Variants in PRKN observed in about 807,000 individuals in gnomAD.
PRKN encodes E3 ubiquitin-protein ligase parkin.
Under a neutral mutation model 59.5 loss-of-function variants are expected in PRKN, and 56 were observed. The ratio of observed to expected loss-of-function variants is 0.94; its 90% CI spans 0.76 to 1.18. PRKN has a LOEUF of 1.18. Ranked by LOEUF, PRKN falls within the 50% of genes most tolerant of loss-of-function variation. PRKN has a pLI of 0.00. For missense variants in PRKN, 657 were observed against 596.4 expected, an observed-to-expected ratio of 1.10 and a Z score of -1.06; for synonymous variants, 250 against 222.1, an observed-to-expected ratio of 1.13 and a Z score of -1.12.
chr6:162,686,679 AG>A (rs1304856346), intron 1 of PRKN, among the ~76,000 whole-genome samples: 1 of 152,200 alleles, frequency 6.6e-6, no homozygotes, highest in Non-Finnish European at 1.5e-5. Flanking sequence ...TGGGAAGTCA[AG>A]CTGGGTAAAT....
intron 7 of PRKN, among the ~76,000 whole-genome samples, chr6:161,674,176 C>T (rs1233584508): frequency 6.6e-6 from 1 of 152,050 alleles, no homozygotes; most frequent in East Asian, 1.9e-4. Flanking sequence ...GAGTTCTGGG[C>T]TGGGAGTTAA....
In PRKN at chr6:162,087,719, G is replaced by A. The variant is rs574461001; in HGVS notation, c.535-33545C>T. Among the ~76,000 whole-genome samples the A allele has an allele frequency of 7.8e-4, 113 of 144,898 alleles. 2 individuals are homozygous for A. The highest frequency in any genetic ancestry group is 7.5e-3 in the Middle Eastern group (2 of 268). ...AGCAATTCTCCTGCCTCAGCCTCCT[G>A]AGTAGCTGGGATTACAGGCACACGC... On this transcript the variant is annotated intron_variant, in intron 4 of 11. Transcript: ENST00000366898.
rs942353507 is a variant in PRKN, at chr6:161,363,688, C to G, written c.1168-3483G>C. 1.3e-5 allele frequency among the ~76,000 whole-genome samples: 2 copies of G among 152,096 alleles called. No homozygotes were observed. ...TACAAAGAAGTTACAATTATTCCCC[C>G]CAGCTGATTTCTTAATGCATGGGTG... On this transcript the variant is annotated intron_variant, in intron 10 of 11. Transcript: ENST00000366898. This position sits in a 1 kb window ranked among gnomAD's most constrained non-coding sequence, Gnocchi z 4.1.
At chr6:162,320,150 TTC>T (rs1782929014) in intron 2 of PRKN, among the ~76,000 whole-genome samples, 1 of 151,750 alleles carries the variant, frequency 6.6e-6, no homozygotes, top group African/African-American at 2.4e-5. Context: ...ATTCCATGTT[TTC>T]TATGGTTAAA....
At chr6:162,217,792 C>G (rs1244318914) in intron 3 of PRKN, among the ~76,000 whole-genome samples, 1 of 152,178 alleles carries the variant, frequency 6.6e-6, no homozygotes, top group Non-Finnish European at 1.5e-5. Context: ...GACAAAAACA[C>G]TATCATGGTA....
At chr6:162,525,021 C>T (rs1427125930) in intron 1 of PRKN, among the ~76,000 whole-genome samples, 2 of 152,140 alleles carry the variant, frequency 1.3e-5, no homozygotes, top group Non-Finnish European at 2.9e-5. Context: ...AACAAATATG[C>T]TTTCCTACTC....
intron 5 of PRKN, among the ~76,000 whole-genome samples, chr6:162,009,978 T>C (rs549334828): frequency 6.6e-6 from 1 of 151,502 alleles, no homozygotes; most frequent in South Asian, 2.1e-4. Flanking sequence ...GGTGTACTTG[T>C]AAAAGTTGTT....
intron 5 of PRKN, among the ~76,000 whole-genome samples, chr6:161,994,594 T>G (rs1781770914): frequency 6.6e-6 from 1 of 151,852 alleles, no homozygotes; most frequent in South Asian, 2.1e-4. Flanking sequence ...AAAAAACTCT[T>G]AGAACTAATA....
In PRKN at chr6:161,353,608, C is replaced by A. The variant is rs545573642; in HGVS notation, c.1286-3397G>T. On this transcript the variant is annotated intron_variant, in intron 11 of 11. Transcript: ENST00000366898. This position sits in a 1 kb window ranked among gnomAD's most constrained non-coding sequence, Gnocchi z 4.8. ...CCCTTCCCCCATACCTCGCCCTCTG[C>A]ATCTCTTCATCTGTATCTTTTGTAA... Among the ~76,000 whole-genome samples, 3 of 152,346 alleles carry A rather than the reference C, an allele frequency of 2.0e-5. No homozygotes were observed. In the South Asian group the frequency reaches 6.2e-4, roughly 32 times the overall value.
chr6:162,441,874 T>C (rs986198870), intron 2 of PRKN, among the ~76,000 whole-genome samples: 1 of 152,244 alleles, frequency 6.6e-6, no homozygotes, highest in African/African-American at 2.4e-5. Flanking sequence ...AATGGCAGTT[T>C]AGAACCTGAA....
chr6:162,389,157 T>C (rs1787032243), intron 2 of PRKN, among the ~76,000 whole-genome samples: 1 of 152,094 alleles, frequency 6.6e-6, no homozygotes, highest in Non-Finnish European at 1.5e-5. Flanking sequence ...GTTTGTGTTC[T>C]CCAAATGCCT....
intron 2 of PRKN, among the ~76,000 whole-genome samples, chr6:162,411,687 G>A (rs931337802): frequency 1.3e-5 from 2 of 152,032 alleles, no homozygotes; most frequent in Non-Finnish European, 2.9e-5. Context: ...TTTGAATATA[G>A]TTATAATTTT....
chr6:161,844,163 A>G (rs1056577343), intron 6 of PRKN, among the ~76,000 whole-genome samples: 7 of 152,256 alleles, frequency 4.6e-5, no homozygotes, highest in African/African-American at 1.4e-4. Context: ...TTTAATAAGC[A>G]TGAAGCAAAA....
chr6:161,732,953 G>A (rs1787784300), intron 7 of PRKN, among the ~76,000 whole-genome samples: 1 of 152,042 alleles, frequency 6.6e-6, no homozygotes, highest in Admixed American at 6.6e-5. Context: ...TCCCCCTTTG[G>A]AGCAACAGCA....
Position 162,658,299 on chromosome 6 carries a change from G to A in PRKN, c.7+69363C>T, listed in dbSNP as rs142568203. On this transcript the variant is annotated intron_variant, in intron 1 of 11. Coordinates refer to ENST00000366898, the MANE Select transcript of PRKN (RefSeq NM_004562.3). ...ATACTTAATAAAATGCTTGTGAAGA[G>A]TCATACAACGAGATAATATTTACTC... 8.3e-4 allele frequency among the ~76,000 whole-genome samples: 127 copies of A among 152,288 alleles called. 1 individual carries two copies. The highest frequency in any genetic ancestry group is 2.8e-3 in the African/African-American group (117 of 41,558).
intron 2 of PRKN, among the ~76,000 whole-genome samples, chr6:162,429,925 T>C (rs1789427360): frequency 6.6e-6 from 1 of 152,190 alleles, no homozygotes; most frequent in Non-Finnish European, 1.5e-5. Context: ...TCATTCTCAC[T>C]TTTGCCATTT....
intron 4 of PRKN, among the ~76,000 whole-genome samples, chr6:162,060,117 T>A (rs953749165): frequency 5.9e-5 from 9 of 152,190 alleles, no homozygotes; most frequent in Non-Finnish European, 1.0e-4. Context: ...CTACAGCAAA[T>A]TAAATTTTCC....
intron 6 of PRKN, among the ~76,000 whole-genome samples, chr6:161,904,008 T>A (rs772976895): frequency 7.9e-5 from 12 of 151,960 alleles, no homozygotes; most frequent in African/African-American, 1.4e-4. Context: ...AGCACTGGCC[T>A]CTTCACACAG....
intron 1 of PRKN, among the ~76,000 whole-genome samples, chr6:162,641,133 T>C (rs928661354): frequency 1.3e-5 from 2 of 152,172 alleles, no homozygotes; most frequent in Admixed American, 6.5e-5. Context: ...ATTTTACTTA[T>C]ACAAATTTAA....
Sources: allele counts gnomAD v4.1 joint callset (sites outside exome capture counted in the v4.1 genomes callset), GRCh38; gene constraint gnomAD v4.1.1; non-coding constraint Gnocchi (gnomAD v3.1); transcripts MANE v1.5; gene names NCBI Gene and HGNC (gene_info 2026-07-23, HGNC 2026-07-21).